Variants in GRM7 observed in about 807,000 individuals in gnomAD.
The protein encoded by GRM7 is metabotropic glutamate receptor 7.
In GRM7, 35 loss-of-function variants were observed where a neutral mutation model predicts 84.5. The observed-to-expected ratio is 0.41, with a 90% CI of 0.32 to 0.55. The LOEUF is 0.55. Among genes scored for constraint, GRM7 ranks in the 20% least tolerant of loss-of-function variants. The pLI is 0.19. For synonymous variants in GRM7, 487 were observed against 455.1 expected, an observed-to-expected ratio of 1.07 and a Z score of -0.89; for missense variants, 1,003 against 1,194.6, an observed-to-expected ratio of 0.84 and a Z score of 2.36.
chr3:7,414,270 A>G (rs1696065541), intron 4 of GRM7, among the ~76,000 whole-genome samples: 1 of 152,122 alleles, frequency 6.6e-6, no homozygotes, highest in African/African-American at 2.4e-5. Flanking sequence ...CATTGCCACA[A>G]ACAAGATACT....
chr3:7,300,822 TTTAA>T (rs994531925), intron 3 of GRM7, among the ~76,000 whole-genome samples: 1 of 152,146 alleles, frequency 6.6e-6, no homozygotes, highest in Non-Finnish European at 1.5e-5. Flanking sequence ...TGTTGGATTG[TTTAA>T]TTAATGTCTG....
chr3:7,496,808 T>C (rs1699720412), intron 7 of GRM7, among the ~76,000 whole-genome samples: 1 of 151,918 alleles, frequency 6.6e-6, no homozygotes, highest in African/African-American at 2.4e-5. Context: ...GATGTATGTG[T>C]GTGTGATTAT....
intron 5 of GRM7, among the ~76,000 whole-genome samples, chr3:7,436,130 AGCCACT>A (rs1220522266): frequency 1.3e-5 from 2 of 152,152 alleles, no homozygotes; most frequent in African/African-American, 4.8e-5. Context: ...TACAGGCGTG[AGCCACT>A]GCATCTGGCC....
At chr3:7,024,168 C>T (rs1559390651) in intron 1 of GRM7, among the ~76,000 whole-genome samples, 1 of 152,164 alleles carries the variant, frequency 6.6e-6, no homozygotes, top group Non-Finnish European at 1.5e-5. Context: ...CTCTTCAAAT[C>T]CTCCTTTCAT....
At chr3:7,254,777 A>G (rs1283384374) in intron 2 of GRM7, among the ~76,000 whole-genome samples, 2 of 152,106 alleles carry the variant, frequency 1.3e-5, no homozygotes, top group Non-Finnish European at 2.9e-5. Flanking sequence ...GCTTCAGTTT[A>G]TTTTTCTGGA....
intron 4 of GRM7, among the ~76,000 whole-genome samples, chr3:7,377,857 G>T (rs922942957): frequency 6.6e-6 from 1 of 152,118 alleles, no homozygotes; most frequent in Admixed American, 6.5e-5. Flanking sequence ...GTTATTGGAG[G>T]TTACCACTTA....
rs557010748 is a variant in GRM7, at chr3:6,928,171, G to A, written c.519+66264G>A. On this transcript the variant is annotated intron_variant, in intron 1 of 9. Transcript: ENST00000357716. This position sits in a 1 kb window ranked among gnomAD's most constrained non-coding sequence, Gnocchi z 4.5. ...TGATCCTGTTGCCTCTTCCAAGCAC[G>A]TTGCTTGGTTTGCATTAACTGGGCA... 6.6e-5 allele frequency among the ~76,000 whole-genome samples: 10 copies of A among 151,028 alleles called. No homozygotes were observed. Among genetic ancestry groups the A allele is most frequent in the Non-Finnish European group, 1.3e-4 (9 of 67,878 alleles).
intron 2 of GRM7, among the ~76,000 whole-genome samples, chr3:7,179,104 T>C (rs780834984): frequency 1.3e-5 from 2 of 151,884 alleles, no homozygotes; most frequent in Non-Finnish European, 2.9e-5. Flanking sequence ...AGACTCTATT[T>C]AAAAAAATAA....
At chr3:7,638,440 A>G (rs1052263342) in intron 8 of GRM7, among the ~76,000 whole-genome samples, 1 of 152,202 alleles carries the variant, frequency 6.6e-6, no homozygotes, top group Admixed American at 6.5e-5. Context: ...ATTGACTGTA[A>G]AAGATTGCTC....
Position 7,256,656 on chromosome 3 carries a change from C to CA in GRM7, c.737-42027dup, listed in dbSNP as rs973270695. Among the ~76,000 whole-genome samples, 21 of 151,776 alleles carry CA rather than the reference C, an allele frequency of 1.4e-4. No homozygotes were observed. In the East Asian group the frequency reaches 1.9e-3, roughly 14 times the overall value. ...ATGCACACACACACATACACACACA[C>CA]ACAAAAAATGAGACCAAGTCCCTAA... is the stretch of plus-strand genomic sequence containing the variant. On this transcript the variant is annotated intron_variant, in intron 2 of 9. Transcript: ENST00000357716.
rs888396562 is a variant in GRM7, at chr3:7,422,637, A to C, written c.1174+7474A>C. Among the ~76,000 whole-genome samples the C allele has an allele frequency of 3.3e-5, 5 of 152,172 alleles. No homozygotes were observed. The East Asian group carries it at 9.6e-4, about 29-fold the overall frequency. On this transcript the variant is annotated intron_variant, in intron 5 of 9. Coordinates refer to ENST00000357716, the MANE Select transcript of GRM7 (RefSeq NM_000844.4). ...CCTTCCATTATTTTTTGTATATGGC[A>C]TATGTTTCATGTCCTTAATACTTCA...
chr3:6,879,997 A>T lies in GRM7; in HGVS notation c.519+18090A>T, dbSNP rs147938450. Among the ~76,000 whole-genome samples, 625 of 152,340 alleles carry T rather than the reference A, an allele frequency of 4.1e-3. 2 individuals are homozygous for T. Among genetic ancestry groups the T allele is most frequent in the African/African-American group, 0.014 (590 of 41,592 alleles). Reference sequence around the variant, plus strand: ...CAATGTTTAACCCAGAAGAAAGAACATTTAAAAGGGGATGTGGAGCAAAGA... The same window carrying T: ...CAATGTTTAACCCAGAAGAAAGAACTTTTAAAAGGGGATGTGGAGCAAAGA... On this transcript the variant is annotated intron_variant, in intron 1 of 9. Transcript: ENST00000357716.
intron 7 of GRM7, among the ~76,000 whole-genome samples, chr3:7,496,368 A>G (rs1181426417): frequency 6.6e-6 from 1 of 152,208 alleles, no homozygotes; most frequent in Non-Finnish European, 1.5e-5. Flanking sequence ...TTGTAATCTT[A>G]TCATCAGAAA....
At position 7,204,636 on chromosome 3, in the gene GRM7, C is replaced by A. The variant is rs1428714703; in HGVS notation, c.736+57968C>A. ...AAATGAGTGCTAGGTGGGCAAATAA[C>A]CACTGCAGAAATAGGAAGACCTGGG... is the stretch of plus-strand genomic sequence containing the variant. On this transcript the variant is annotated intron_variant, in intron 2 of 9. Transcript: ENST00000357716. Among the ~76,000 whole-genome samples the A allele has an allele frequency of 3.9e-5, 6 of 152,178 alleles. No homozygotes were observed. The South Asian group carries it at 1.0e-3, about 26-fold the overall frequency.
intron 7 of GRM7, among the ~76,000 whole-genome samples, chr3:7,503,782 G>GGTT (rs746248819): frequency 6.6e-6 from 1 of 152,050 alleles, no homozygotes; most frequent in Non-Finnish European, 1.5e-5. Flanking sequence ...AACTCCAATT[G>GGTT]AACTGTCAGC....
intron 2 of GRM7, among the ~76,000 whole-genome samples, chr3:7,206,256 C>T (rs531397285): frequency 2.0e-5 from 3 of 152,298 alleles, no homozygotes; most frequent in South Asian, 2.1e-4. Context: ...GCTAATTCTG[C>T]AACTTGTTAG....
chr3:7,611,097 T>C, intron 8 of GRM7, among the ~76,000 whole-genome samples: 1 of 152,178 alleles, frequency 6.6e-6, no homozygotes, highest in African/African-American at 2.4e-5. Flanking sequence ...AATTCTAATG[T>C]ATATGAGTAT....
At chr3:7,316,047 TAAAG>T (rs1700570850) in intron 4 of GRM7, among the ~76,000 whole-genome samples, 1 of 152,000 alleles carries the variant, frequency 6.6e-6, no homozygotes, top group Admixed American at 6.6e-5. Context: ...TTTGAATAAA[TAAAG>T]GAATTATCCA....
intron 1 of GRM7, among the ~76,000 whole-genome samples, chr3:7,008,290 A>C (rs2124889249): frequency 6.6e-6 from 1 of 152,320 alleles, no homozygotes; most frequent in Non-Finnish European, 1.5e-5. Flanking sequence ...GAAATTGTCA[A>C]GAATGGCCTA....
Sources: allele counts gnomAD v4.1 joint callset (sites outside exome capture counted in the v4.1 genomes callset), GRCh38; gene constraint gnomAD v4.1.1; non-coding constraint Gnocchi (gnomAD v3.1); transcripts MANE v1.5; gene names NCBI Gene and HGNC (gene_info 2026-07-23, HGNC 2026-07-21).